Variants in ZFHX3 observed in about 807,000 individuals in gnomAD.
ZFHX3 encodes zinc finger homeobox 3, also known as zinc finger homeobox protein 3.
ZFHX3 carries 42 observed loss-of-function variants against 279.1 expected under a neutral mutation model. The ratio of observed to expected loss-of-function variants is 0.15; its 90% confidence interval spans 0.12 to 0.19. The LOEUF (loss-of-function observed/expected upper bound fraction) is 0.19. Among genes scored for constraint, ZFHX3 ranks in the 10% least tolerant of loss-of-function variants. ZFHX3 has a pLI of 1.00. For missense variants in ZFHX3, 4,981 were observed against 4,754.0 expected, an observed-to-expected ratio of 1.05 and a Z score of -1.40; for synonymous variants, 2,293 against 1,957.8, an observed-to-expected ratio of 1.17 and a Z score of -4.52.
At chr16:73,604,991 C>A (rs1485468609) in intron 2 of ZFHX3, among the ~76,000 whole-genome samples, 1 of 152,076 alleles carries the variant, frequency 6.6e-6, no homozygotes, top group Non-Finnish European at 1.5e-5. Flanking sequence ...TAGCTGAATT[C>A]ACCCTTCTTG....
chr16:73,891,618 GAAGAA>G (rs1410646261), intron 1 of ZFHX3: 1 of 152,230 alleles, frequency 6.6e-6, no homozygotes, highest in African/African-American at 2.4e-5. Flanking sequence ...GAAGAAAAGA[GAAGAA>G]AAGAAAAGCT....
intron 2 of ZFHX3, among the ~76,000 whole-genome samples, chr16:73,473,490 C>T (rs2018712159): frequency 6.6e-6 from 1 of 152,018 alleles, no homozygotes; most frequent in South Asian, 2.1e-4. Flanking sequence ...GCAAAATCTG[C>T]CCAACGCTTG....
Position 72,794,080 on chromosome 16 carries a change from A to T in ZFHX3, c.8602T>A (p.Ser2868Thr). Residue 2868 changes from serine to threonine, a missense_variant, in exon 9 of 10, where the codon TCT (serine) becomes ACT (threonine). This residue lies in a region of ZFHX3 where 744 missense variants were observed against 701.3 expected (regional missense o/e 1.06). Coordinates refer to ENST00000268489, the MANE Select transcript of ZFHX3 (RefSeq NM_006885.4). The surrounding 1 kb of genome is among the most constrained non-coding windows in gnomAD (Gnocchi z 4.2). ...GTCAACCCTTCGTTGGGTGCAGAAG[A>T]GGATTTGGTTTCAGTTGCTATTCCC... ...ATGIATETKS[S>T]SAPNEGLTKA... The T allele has an allele frequency of 6.2e-7, 1 of 1,614,174 alleles. No individual in the cohort carries two copies. The highest frequency in any genetic ancestry group is 8.5e-7 in the Non-Finnish European group (1 of 1,180,036).
At chr16:73,575,726 A>G (rs950411683) in intron 2 of ZFHX3, among the ~76,000 whole-genome samples, 1 of 151,956 alleles carries the variant, frequency 6.6e-6, no homozygotes, top group African/African-American at 2.4e-5. Context: ...CTTTCTCTGG[A>G]CGAGGGCTTG....
At chr16:73,315,233 A>G (rs2015418396) in intron 4 of ZFHX3, among the ~76,000 whole-genome samples, 1 of 150,324 alleles carries the variant, frequency 6.7e-6, no homozygotes, top group Non-Finnish European at 1.5e-5. Context: ...AAAAAAAAAA[A>G]GAAAAAAGAG....
intron 1 of ZFHX3, among the ~76,000 whole-genome samples, chr16:72,962,768 A>C (rs886412406): frequency 6.6e-6 from 1 of 152,054 alleles, no homozygotes; most frequent in Non-Finnish European, 1.5e-5. Context: ...TCACCAATAC[A>C]GGTACCAAGC....
chr16:73,029,327 G>T (rs868133046), intron 1 of ZFHX3, among the ~76,000 whole-genome samples: 7 of 152,196 alleles, frequency 4.6e-5, no homozygotes, highest in African/African-American at 1.7e-4. Context: ...TGACAGGTAA[G>T]GAGAGTGAAA....
intron 2 of ZFHX3, among the ~76,000 whole-genome samples, chr16:73,467,731 C>CA (rs2143595094): frequency 6.6e-6 from 1 of 152,224 alleles, no homozygotes; most frequent in East Asian, 1.9e-4. Context: ...AGTTAGGAAA[C>CA]AGATTCAAGA....
intron 1 of ZFHX3, among the ~76,000 whole-genome samples, chr16:73,726,275 G>A (rs148168399): frequency 6.2e-4 from 94 of 152,300 alleles, no homozygotes; most frequent in Admixed American, 1.4e-3. Context: ...AACAAAGTGC[G>A]AGTCTCCTGA....
rs1597060373 is a variant in ZFHX3, at chr16:73,676,283, TA to T, written c.-1547+3896del. Among the ~76,000 whole-genome samples the T allele has an allele frequency of 2.6e-5, 4 of 152,050 alleles. No individual in the cohort carries two copies. In the East Asian group the frequency reaches 7.7e-4, roughly 29 times the overall value. ...GATTTTTATTAAATAACACTTTTTC[TA>T]AAACCTGAGGTTATAAACAAAGACC... On this transcript the variant is annotated intron_variant, in intron 2 of 17. Transcript: ENST00000641206.
At chr16:72,869,313 C>T (rs1597328247) in intron 4 of ZFHX3, among the ~76,000 whole-genome samples, 2 of 152,296 alleles carry the variant, frequency 1.3e-5, no homozygotes, top group Middle Eastern at 6.8e-3. Flanking sequence ...CTTCAAGGAC[C>T]AGCCAGCCAG....
At chr16:73,774,957 C>G (rs1468075245) in intron 1 of ZFHX3, among the ~76,000 whole-genome samples, 43 of 152,276 alleles carry the variant, frequency 2.8e-4, no homozygotes, top group Admixed American at 2.7e-3. Flanking sequence ...CTCCCTATCT[C>G]CAATCCAGGA....
At chr16:73,002,881 T>C (rs931632759) in intron 1 of ZFHX3, among the ~76,000 whole-genome samples, 1 of 152,210 alleles carries the variant, frequency 6.6e-6, no homozygotes, top group Admixed American at 6.5e-5. Flanking sequence ...AAGTAATAGA[T>C]ATTCACTATG....
rs2016128805 is a variant in ZFHX3 at position 73,346,612 on chromosome 16, C to CTACTATGCCTGGCTAATTTTTGT, written c.-1290-28277_-1290-28276insACAAAAATTAGCCAGGCATAGTA. ...TCAGCCACTGGAGTAGCTGGGACTA[C>CTACTATGCCTGGCTAATTTTTGT]AGGTGTATGCCACTATGCCTGGCTA... On this transcript the variant is annotated intron_variant, in intron 3 of 17. Transcript: ENST00000641206. Among the ~76,000 whole-genome samples the CTACTATGCCTGGCTAATTTTTGT allele has an allele frequency of 3.3e-5, 5 of 152,342 alleles. No homozygotes were observed. In the South Asian group the frequency reaches 1.0e-3, roughly 32 times the overall value.
intron 4 of ZFHX3, among the ~76,000 whole-genome samples, chr16:72,867,146 C>A (rs577941454): frequency 6.6e-6 from 1 of 152,144 alleles, no homozygotes; most frequent in South Asian, 2.1e-4. Context: ...ACTGTCCAGG[C>A]GGCATCCTCA....
At position 73,709,386 on chromosome 16, in the gene ZFHX3, T is replaced by TA. The variant is rs1447859188; in HGVS notation, c.-1607-29147dup. Among the ~76,000 whole-genome samples the TA allele has an allele frequency of 6.1e-5, 9 of 146,480 alleles. No individual in the cohort carries two copies. In the South Asian group the frequency reaches 1.5e-3, roughly 25 times the overall value. On this transcript the variant is annotated intron_variant, in intron 1 of 17. Coordinates refer to the ZFHX3 transcript ENST00000641206. ...AGAGAGAGAGAGAGATCCTGTCTCT[T>TA]AAAAAAAAAGAAAAGAAAAAAAGAG...
At chr16:73,766,974 T>A (rs1269804409) in intron 1 of ZFHX3, among the ~76,000 whole-genome samples, 1 of 149,928 alleles carries the variant, frequency 6.7e-6, no homozygotes, top group African/African-American at 2.5e-5. Context: ...CTTACTCTGT[T>A]GCCCAGGCTG....
chr16:73,634,433 A>ATTATATATATATATATATATAT (rs1197229737), intron 2 of ZFHX3, among the ~76,000 whole-genome samples: 4 of 59,906 alleles, frequency 6.7e-5, no homozygotes, highest in African/African-American at 1.7e-4. Context: ...TATTATGTAT[A>ATTATATATATATATATATATAT]ATATATATAT....
At chr16:73,217,913 C>A (rs527804822) in intron 5 of ZFHX3, among the ~76,000 whole-genome samples, 1 of 152,028 alleles carries the variant, frequency 6.6e-6, no homozygotes, top group Non-Finnish European at 1.5e-5. Flanking sequence ...ACTCTTTTAA[C>A]CTGCAGACAC....
Sources: gnomAD v4.1 joint callset for allele counts (sites outside exome capture counted in the v4.1 genomes callset) on GRCh38, gnomAD v4.1.1 for gene constraint, gnomAD v4.1.1 regional missense constraint, Gnocchi (gnomAD v3.1) non-coding constraint, MANE v1.5 for transcripts, NCBI Gene and HGNC (gene_info 2026-07-23, HGNC 2026-07-21) for gene names.